Variants in PDZD2 observed in about 807,000 individuals in gnomAD.
The protein encoded by PDZD2 is PDZ domain containing 2.
PDZD2 carries 90 observed loss-of-function variants against 220.7 expected under a neutral mutation model. That is an observed-to-expected ratio of 0.41 (90% CI 0.34 to 0.49). PDZD2 has a LOEUF of 0.49. Among genes scored for constraint, PDZD2 ranks in the 20% least tolerant of loss-of-function variants. The pLI, the probability that PDZD2 is intolerant of heterozygous loss-of-function variation, is 0.28. For missense variants in PDZD2, 3,174 were observed against 3,608.5 expected, an observed-to-expected ratio of 0.88 and a Z score of 3.08; for synonymous variants, 1,375 against 1,450.5, an observed-to-expected ratio of 0.95 and a Z score of 1.18.
At chr5:32,042,365 G>A (rs1386111172) in intron 7 of PDZD2, among the ~76,000 whole-genome samples, 3 of 148,510 alleles carry the variant, frequency 2.0e-5, no homozygotes, top group South Asian at 2.1e-4. Flanking sequence ...AGTTCGAGAC[G>A]AGCCTGGTCA....
At chr5:31,864,456 A>G (rs1738005638) in intron 2 of PDZD2, among the ~76,000 whole-genome samples, 1 of 151,550 alleles carries the variant, frequency 6.6e-6, no homozygotes, top group African/African-American at 2.4e-5. Context: ...CTCATATATA[A>G]TCTTAATTGT....
chr5:31,652,800 C>T (rs1043793969), intron 1 of PDZD2, among the ~76,000 whole-genome samples: 1 of 152,142 alleles, frequency 6.6e-6, no homozygotes, highest in Non-Finnish European at 1.5e-5. Flanking sequence ...CACTTGAGGT[C>T]AGGAGTTCGA....
At chr5:31,880,497 CTCTT>C (rs1739767609) in intron 2 of PDZD2, among the ~76,000 whole-genome samples, 1 of 152,176 alleles carries the variant, frequency 6.6e-6, no homozygotes, top group African/African-American at 2.4e-5. Context: ...AGAATGTTTT[CTCTT>C]TCTTGCTTTT....
At chr5:31,710,817 G>GA (rs61278404) in intron 1 of PDZD2, among the ~76,000 whole-genome samples, 91 of 140,248 alleles carry the variant, frequency 6.5e-4, no homozygotes, top group Non-Finnish European at 6.3e-4. Context: ...ACTCCGTCTT[G>GA]AAAAAAAAAA....
intron 2 of PDZD2, among the ~76,000 whole-genome samples, chr5:31,898,561 C>G (rs1037396896): frequency 8.0e-4 from 122 of 152,362 alleles, no homozygotes; most frequent in African/African-American, 2.8e-3. Context: ...AAGCTCTGGA[C>G]TGGCTGTCCT....
intron 1 of PDZD2, among the ~76,000 whole-genome samples, chr5:31,686,807 A>G (rs1197143815): frequency 6.6e-6 from 1 of 152,210 alleles, no homozygotes; most frequent in Non-Finnish European, 1.5e-5. Context: ...TTTTGCATAT[A>G]TTACAATTAA....
chr5:31,868,931 C>T (rs1396651627), intron 2 of PDZD2, among the ~76,000 whole-genome samples: 1 of 151,932 alleles, frequency 6.6e-6, no homozygotes, highest in Non-Finnish European at 1.5e-5. Context: ...CGCCACCACT[C>T]CTGGCTAATT....
chr5:31,942,700 T>C (rs1346250244), intron 2 of PDZD2, among the ~76,000 whole-genome samples: 1 of 151,972 alleles, frequency 6.6e-6, no homozygotes, highest in Non-Finnish European at 1.5e-5. Context: ...TGTAAACATG[T>C]GGTCCAAACA....
intron 1 of PDZD2, among the ~76,000 whole-genome samples, chr5:31,775,377 G>T (rs889063719): frequency 6.6e-6 from 1 of 151,802 alleles, no homozygotes; most frequent in Non-Finnish European, 1.5e-5. Context: ...AGAAGCATGT[G>T]GCGGCTTGGC....
intron 19 of PDZD2, 147 bp from the exon 20 acceptor site, chr5:32,086,984 C>T: frequency 1.7e-6 from 1 of 582,750 alleles, no homozygotes. Flanking sequence ...CCACCACGCC[C>T]AGCTTTCTGA....
At chr5:32,008,731 G>A (rs1490481634) in intron 5 of PDZD2, among the ~76,000 whole-genome samples, 1 of 152,186 alleles carries the variant, frequency 6.6e-6, no homozygotes, top group Non-Finnish European at 1.5e-5. Flanking sequence ...TCTCAGACAC[G>A]CAGGGGAGAT....
intron 12 of PDZD2, 107 bp downstream of exon 12, chr5:32,058,210 A>C: frequency 1.5e-6 from 1 of 680,734 alleles, no homozygotes; most frequent in Non-Finnish European, 2.6e-6. Context: ...CCTTTGGTAC[A>C]ATCTTCTATC....
Position 31,675,891 on chromosome 5 carries a change from A to G in PDZD2, c.-361+36454A>G, listed in dbSNP as rs369089344. Reference sequence around the variant, plus strand: ...TAATTTTTCTATTTTTGGTAGAGACACTGTTCTACCATGTGGCCCCGGCTA... The same window carrying G: ...TAATTTTTCTATTTTTGGTAGAGACGCTGTTCTACCATGTGGCCCCGGCTA... On this transcript the variant is annotated intron_variant, in intron 1 of 24. Transcript: ENST00000438447. Among the ~76,000 whole-genome samples the G allele has an allele frequency of 5.3e-5, 8 of 152,130 alleles. No homozygotes were observed. The East Asian group carries it at 1.2e-3, about 22-fold the overall frequency.
chr5:32,054,310 A>ATTTTTTTTT (rs1738878968), intron 10 of PDZD2, among the ~76,000 whole-genome samples: 2 of 58,598 alleles, frequency 3.4e-5, no homozygotes, highest in African/African-American at 7.1e-5. Flanking sequence ...CTAAATGAAC[A>ATTTTTTTTT]TCTTTTTTTT....
At chr5:31,850,553 G>C (rs895265885) in intron 2 of PDZD2, among the ~76,000 whole-genome samples, 14 of 151,484 alleles carry the variant, frequency 9.2e-5, no homozygotes, top group African/African-American at 3.4e-4. Context: ...AGATTGCACA[G>C]TGTTATCAGA....
chr5:31,941,641 T>C (rs973336881), intron 2 of PDZD2, among the ~76,000 whole-genome samples: 3 of 152,174 alleles, frequency 2.0e-5, no homozygotes, highest in African/African-American at 7.2e-5. Flanking sequence ...GGGGACAACT[T>C]GGCGTTTGAG....
intron 15 of PDZD2, 92 bp from the exon 16 acceptor site, chr5:32,071,292 G>C: frequency 1.1e-6 from 1 of 926,680 alleles, no homozygotes; most frequent in South Asian, 1.3e-5. Context: ...TGTTTACTGT[G>C]TTTGCCGCCT....
chr5:31,681,445 G>A (rs796499431), intron 1 of PDZD2, among the ~76,000 whole-genome samples: 11 of 152,026 alleles, frequency 7.2e-5, no homozygotes, highest in African/African-American at 2.4e-4. Context: ...ACGAGGTTTC[G>A]CCATGTTGGT....
intron 2 of PDZD2, among the ~76,000 whole-genome samples, chr5:31,880,336 T>A (rs1283033212): frequency 1.3e-5 from 2 of 152,204 alleles, no homozygotes; most frequent in Non-Finnish European, 2.9e-5. Context: ...ATGATTAAAT[T>A]ATTATTCAAA....
Sources: gnomAD v4.1 joint callset for allele counts (sites outside exome capture counted in the v4.1 genomes callset) on GRCh38, gnomAD v4.1.1 for gene constraint, MANE v1.5 for transcripts, NCBI Gene and HGNC (gene_info 2026-07-23, HGNC 2026-07-21) for gene names.